SLC30A10: variants seen among roughly 807,000 people sequenced by gnomAD.
SLC30A10 encodes the protein calcium/manganese antiporter SLC30A10.
Under a neutral mutation model 21.7 loss-of-function variants are expected in SLC30A10, and 8 were observed. That is an observed-to-expected ratio of 0.37 (90% CI 0.22 to 0.67). SLC30A10 has a LOEUF of 0.67. Ranked by LOEUF, SLC30A10 falls within the 30% of genes least tolerant of loss-of-function variation. The probability of loss-of-function intolerance (pLI) is 0.58; values close to 1 mark genes in which losing one functional copy is unlikely to be tolerated. For synonymous variants in SLC30A10, 272 were observed against 279.4 expected, an observed-to-expected ratio of 0.97 and a Z score of 0.26; for missense variants, 521 against 642.5, an observed-to-expected ratio of 0.81 and a Z score of 2.04.
chr1:219,916,698 T>G (rs2102525260), intron 3 of SLC30A10, among the ~76,000 whole-genome samples: 1 of 152,314 alleles, frequency 6.6e-6, no homozygotes, highest in South Asian at 2.1e-4. Context: ...TTTAGAGAGA[T>G]GGTATTCAGT....
intron 1 of SLC30A10, 29 bp downstream of exon 1, chr1:219,927,772 G>A: frequency 6.7e-7 from 1 of 1,497,488 alleles, no homozygotes; most frequent in Non-Finnish European, 8.9e-7. Flanking sequence ...GAAGGGCCAA[G>A]CGGTCCAAAG....
upstream of SLC30A10, chr1:219,928,789 G>C (rs1659914481): frequency 9.3e-6 from 2 of 215,798 alleles, no homozygotes; most frequent in East Asian, 2.1e-4. The surrounding 1 kb of genome is among the most constrained non-coding windows in gnomAD (Gnocchi z 6.3). Context: ...GCGGAGGAGA[G>C]GGGGCGTGTC....
intron 1 of SLC30A10, among the ~76,000 whole-genome samples, chr1:219,956,616 C>T (rs548108369): frequency 6.6e-6 from 1 of 150,710 alleles, no homozygotes; most frequent in East Asian, 2.0e-4. Context: ...AGTTCGAGAC[C>T]AGCCTGGCCA....
intron 1 of SLC30A10, among the ~76,000 whole-genome samples, chr1:219,935,202 ATTGTT>A (rs1387491245): frequency 6.6e-6 from 1 of 152,202 alleles, no homozygotes; most frequent in African/African-American, 2.4e-5. Context: ...TCTAGACCTA[ATTGTT>A]TTAACTGTAA....
At chr1:219,957,574 TACTA>T (rs1279725535) in intron 1 of SLC30A10, among the ~76,000 whole-genome samples, 4 of 152,348 alleles carry the variant, frequency 2.6e-5, no homozygotes, top group Middle Eastern at 6.8e-3. Context: ...GCCTACTAAA[TACTA>T]AATAAGTTAC....
chr1:219,936,347 C>T (rs1660044876), intron 1 of SLC30A10, among the ~76,000 whole-genome samples: 1 of 152,302 alleles, frequency 6.6e-6, no homozygotes, highest in South Asian at 2.1e-4. Context: ...CCACAACCAA[C>T]ATGAGTTCTA....
chr1:219,919,154 G>T (rs1263760640), intron 2 of SLC30A10: 3 of 152,136 alleles, frequency 2.0e-5, no homozygotes, highest in Non-Finnish European at 2.9e-5. Context: ...TAAGGGAATT[G>T]TTTCTAAAGA....
chr1:219,937,265 G>T (rs999455352), intron 1 of SLC30A10, among the ~76,000 whole-genome samples: 2 of 152,050 alleles, frequency 1.3e-5, no homozygotes, highest in Non-Finnish European at 2.9e-5. Flanking sequence ...AGATGCCTGT[G>T]GGATTCTTTC....
chr1:219,927,024 C>G lies in SLC30A10; in HGVS notation c.718+4G>C, dbSNP rs766276844. ...ATTTCAAATAGGCCCAAAGTCAATC[C>G]TACCTCTGATATTCAGAGCTTCAGA... On this transcript the variant is annotated splice_donor_region_variant and intron_variant, in intron 2 of 3. Transcript: ENST00000366926. The G allele has an allele frequency of 9.3e-6, 15 of 1,604,754 alleles. No individual in the cohort carries two copies. In the South Asian group the frequency reaches 1.7e-4, roughly 18 times the overall value.
At chr1:219,954,332 C>G (rs754198045) in intron 1 of SLC30A10, among the ~76,000 whole-genome samples, 5 of 151,844 alleles carry the variant, frequency 3.3e-5, no homozygotes, top group Non-Finnish European at 7.4e-5. Flanking sequence ...ATGCCAGAAC[C>G]GTGATTATGA....
chr1:219,938,882 G>T (rs908437757), intron 1 of SLC30A10, among the ~76,000 whole-genome samples: 2 of 152,182 alleles, frequency 1.3e-5, no homozygotes, highest in Non-Finnish European at 2.9e-5. Context: ...GAGTGAGTCA[G>T]GCAGTCAGGC....
chr1:219,919,700 C>T (rs1179347014), intron 2 of SLC30A10, among the ~76,000 whole-genome samples: 2 of 151,246 alleles, frequency 1.3e-5, no homozygotes, highest in Non-Finnish European at 2.9e-5. Context: ...CGCTTGAACC[C>T]AGGAGGCAGA....
At position 219,927,661 on chromosome 1, in the gene SLC30A10, A is replaced by C. The variant is rs1179079956; in HGVS notation, c.640+140T>G. ...ATTAAAAAAAAAAAAAAAAAAAAAA[A>C]AAAAAAACAACAACAACAAAAAAAA... On this transcript the variant is annotated intron_variant, in intron 1 of 3. Coordinates refer to ENST00000366926, the MANE Select transcript of SLC30A10 (RefSeq NM_018713.3). 76 of 557,768 alleles carry C rather than the reference A, an allele frequency of 1.4e-4. 2 individuals are homozygous for C. Among genetic ancestry groups the C allele is most frequent in the African/African-American group, 5.4e-4 (10 of 18,416 alleles). The allele number at this position is 557,768 out of a possible 1,614,324, so 34.6% of individuals were successfully genotyped here. A position where few individuals can be genotyped will look rare whatever the true frequency, so the allele number is the denominator to read the frequency against.
In SLC30A10 at chr1:219,922,176, GTTTTTTTTTTTTTT is replaced by G. The variant is rs869249213; in HGVS notation, c.719-3696_719-3683del. 4.1e-4 allele frequency among the ~76,000 whole-genome samples: 15 copies of G among 36,452 alleles called. 2 individuals carry two copies. The highest frequency in any genetic ancestry group is 8.9e-4 in the African/African-American group (8 of 9,002). 23.9% of individuals were successfully genotyped at this position (36,452 alleles called of 152,430 possible). ...TTCTTGTTTGTGTGTGTGTGTGTGTGTTTTTTTTTTTTTTTTTTTTTTTTTTTTTTTTTTTTTTT... is the reference window on the plus strand; with the variant it reads ...TTCTTGTTTGTGTGTGTGTGTGTGTGTTTTTTTTTTTTTTTTTTTTTTTTT... On this transcript the variant is annotated intron_variant, in intron 2 of 3. Transcript: ENST00000366926.
At chr1:219,939,801 C>A (rs538689887) in intron 1 of SLC30A10, among the ~76,000 whole-genome samples, 1 of 152,240 alleles carries the variant, frequency 6.6e-6, no homozygotes, top group South Asian at 2.1e-4. Flanking sequence ...GAGGAATTGT[C>A]CCAGAAGAGC....
In SLC30A10 at chr1:219,915,356, G is replaced by T. The variant is rs1444275585; in HGVS notation, c.*93C>A. On this transcript the variant is annotated 3_prime_UTR_variant, in exon 4 of 4. Coordinates refer to ENST00000366926, the MANE Select transcript of SLC30A10 (RefSeq NM_018713.3). ...ACAGAGCATGCATGCTGCAAGTCTA[G>T]TCTGGGCCTACAACCCAGAAAGCTC... The T allele has an allele frequency of 2.0e-6, 3 of 1,465,450 alleles. No individual in the cohort carries two copies. Among genetic ancestry groups the T allele is most frequent in the Non-Finnish European group, 2.8e-6 (3 of 1,075,632 alleles). The allele number at this position is 1,465,450 out of a possible 1,614,324, so 90.8% of individuals were successfully genotyped here.
intron 2 of SLC30A10, among the ~76,000 whole-genome samples, chr1:219,919,697 AC>A (rs1421270440): frequency 2.0e-5 from 3 of 150,896 alleles, no homozygotes; most frequent in African/African-American, 7.3e-5. Context: ...AATCGCTTGA[AC>A]CCAGGAGGCA....
chr1:219,950,364 G>C (rs560068349), intron 1 of SLC30A10, among the ~76,000 whole-genome samples: 1 of 152,344 alleles, frequency 6.6e-6, no homozygotes, highest in South Asian at 2.1e-4. Flanking sequence ...ATCTGGCTGG[G>C]CGCGGTGGCT....
At position 219,928,511 on chromosome 1, in the gene SLC30A10, G is replaced by T. The variant is rs1228719271; in HGVS notation, c.-71C>A. On this transcript the variant is annotated 5_prime_UTR_variant, in exon 1 of 4. Transcript: ENST00000366926. This position sits in a 1 kb window ranked among gnomAD's most constrained non-coding sequence, Gnocchi z 6.3. ...CCCACCCCGCGCGCAGCCACAGGTG[G>T]GGGGCGCGGCGCGGATCCGTGAGGC... 1 of 1,362,520 alleles carries T rather than the reference G, an allele frequency of 7.3e-7. No homozygotes were observed. 84.4% of individuals were successfully genotyped at this position (1,362,520 alleles called of 1,614,324 possible).
Sources: gnomAD v4.1 joint callset for allele counts (sites outside exome capture counted in the v4.1 genomes callset) on GRCh38, gnomAD v4.1.1 for gene constraint, Gnocchi (gnomAD v3.1) non-coding constraint, MANE v1.5 for transcripts, NCBI Gene and HGNC (gene_info 2026-07-23, HGNC 2026-07-21) for gene names.